The following GEMIN2 variants were observed in gnomAD, a reference collection of about 807,000 sequenced individuals.
GEMIN2 encodes the protein gem nuclear organelle associated protein 2, also known as gem-associated protein 2.
Under a neutral mutation model 45.8 loss-of-function variants are expected in GEMIN2, and 37 were observed. That is an observed-to-expected ratio of 0.81 (90% confidence interval 0.62 to 1.06). The LOEUF is 1.06. Among genes scored for constraint, GEMIN2 ranks in the 50% least tolerant of loss-of-function variants. The pLI is 0.00. For missense variants in GEMIN2, 335 were observed against 321.8 expected (o/e 1.04, Z -0.31); for synonymous variants, 101 against 111.5 (o/e 0.91, Z 0.60).
chr14:39,114,533 C>T (rs2052476897), intron 1 of GEMIN2, 58 bp downstream of exon 1: 1 of 1,264,414 alleles, frequency 7.9e-7, no homozygotes, highest in South Asian at 1.3e-5. Flanking sequence ...CTGGGTACAG[C>T]CCTCGGTGCT....
intron 2 of GEMIN2, 116 bp downstream of exon 2, chr14:39,115,029 A>G: frequency 1.5e-6 from 1 of 647,194 alleles, no homozygotes; most frequent in Non-Finnish European, 2.8e-6. Context: ...ACTCCGTGCA[A>G]AGTTAGACAT....
chr14:39,118,780 A>ATTTT (rs373341724), intron 4 of GEMIN2, among the ~76,000 whole-genome samples, 181 bp downstream of exon 4: 1 of 138,732 alleles, frequency 7.2e-6, no homozygotes, highest in Non-Finnish European at 1.6e-5. Flanking sequence ...TTCATGACAA[A>ATTTT]TTTTTTTTTT....
intron 5 of GEMIN2, among the ~76,000 whole-genome samples, chr14:39,123,376 G>GA (rs1167330512): frequency 1.3e-5 from 2 of 151,784 alleles, no homozygotes; most frequent in Non-Finnish European, 2.9e-5. Context: ...CCCTGCCCAA[G>GA]AAAAAATAGC....
rs550635715 is a variant in GEMIN2, at chr14:39,114,384, C to G, written c.46C>G (p.Arg16Gly). 2 of 1,613,720 alleles carry G rather than the reference C, an allele frequency of 1.2e-6. No homozygotes were observed. Among genetic ancestry groups the G allele is most frequent in the African/African-American group, 1.3e-5 (1 of 75,060 alleles). The change falls in exon 1 of 10, where the codon CGG becomes GGG. Residue 16 changes from arginine to glycine, a missense_variant. Transcript: ENST00000308317. ...AESAVEELMP[R>G]LLPVEPCDLT... Reference sequence around the variant, plus strand: ...GTCCGCAGTGGAAGAGTTGATGCCTCGGCTATTGCCGGTAGAGCCTTGCGA... The same window carrying G: ...GTCCGCAGTGGAAGAGTTGATGCCTGGGCTATTGCCGGTAGAGCCTTGCGA...
intron 2 of GEMIN2, among the ~76,000 whole-genome samples, 182 bp from the exon 3 acceptor site, chr14:39,117,817 A>G (rs1057502594): frequency 1.3e-5 from 2 of 152,202 alleles, no homozygotes; most frequent in African/African-American, 4.8e-5. Flanking sequence ...AATATTTTTA[A>G]CTGAGATATA....
chr14:39,122,810 C>A, intron 5 of GEMIN2: 1 of 277,714 alleles, frequency 3.6e-6, no homozygotes, highest in Non-Finnish European at 6.6e-6. Context: ...AGTTTATTAG[C>A]TCTTCAACCT....
chr14:39,129,455 C>T (rs1594518359), intron 7 of GEMIN2, among the ~76,000 whole-genome samples: 2 of 152,096 alleles, frequency 1.3e-5, no homozygotes, highest in Admixed American at 1.3e-4. Flanking sequence ...CCTCTGTTGC[C>T]CAGGCTGGAG....
chr14:39,124,506 C>T (rs1322834985), intron 5 of GEMIN2, among the ~76,000 whole-genome samples: 1 of 152,116 alleles, frequency 6.6e-6, no homozygotes, highest in Non-Finnish European at 1.5e-5. Context: ...TGAGGTGGCT[C>T]ATGCCTGTAA....
At chr14:39,133,002 A>G (rs185930375) in intron 8 of GEMIN2, among the ~76,000 whole-genome samples, 2,055 of 114,668 alleles carry the variant, frequency 0.018, 49 homozygotes, top group African/African-American at 0.071. Flanking sequence ...GTGTGTGTGT[A>G]TATATATGTG....
intron 5 of GEMIN2, among the ~76,000 whole-genome samples, chr14:39,123,570 G>A (rs1162221376): frequency 6.6e-6 from 1 of 151,066 alleles, no homozygotes; most frequent in Non-Finnish European, 1.5e-5. Flanking sequence ...ACTCTTAGAC[G>A]TGGTACAGGA....
intron 2 of GEMIN2, among the ~76,000 whole-genome samples, chr14:39,117,614 T>C (rs1042467327): frequency 6.6e-6 from 1 of 152,200 alleles, no homozygotes; most frequent in Non-Finnish European, 1.5e-5. Flanking sequence ...TAGAACTCAT[T>C]CCTTCTAACT....
chr14:39,114,678 A>G, intron 1 of GEMIN2, 151 bp from the exon 2 acceptor site: 1 of 649,052 alleles, frequency 1.5e-6, no homozygotes, highest in East Asian at 2.7e-5. Flanking sequence ...CAATCCAGAT[A>G]ATTTCAGAAA....
intron 7 of GEMIN2, among the ~76,000 whole-genome samples, chr14:39,131,095 C>T (rs1248703852): frequency 6.6e-6 from 1 of 151,946 alleles, no homozygotes; most frequent in Non-Finnish European, 1.5e-5. Flanking sequence ...GTCAGGAGTT[C>T]GAGACCAGCC....
At position 39,136,695 on chromosome 14, in the gene GEMIN2, G is replaced by T. The variant is rs1488492516; in HGVS notation, c.*216G>T. 1 of 457,320 alleles carries T rather than the reference G, an allele frequency of 2.2e-6. No homozygotes were observed. The highest frequency in any genetic ancestry group is 2.0e-5 in the African/African-American group (1 of 49,792). The allele number at this position is 457,320 out of a possible 1,614,324, so 28.3% of individuals were successfully genotyped here. A position where few individuals can be genotyped will look rare whatever the true frequency, so the allele number is the denominator to read the frequency against. On this transcript the variant is annotated 3_prime_UTR_variant, in exon 10 of 10. Coordinates refer to ENST00000308317, the MANE Select transcript of GEMIN2 (RefSeq NM_003616.3). ...AATCCCACTCAGTTTTTGATGAACA[G>T]TTTGAACAGTTTTCTGTAATCAAGC...
intron 2 of GEMIN2, 50 bp downstream of exon 2, chr14:39,114,963 G>A (rs1187871962): frequency 1.2e-6 from 1 of 842,410 alleles, no homozygotes; most frequent in Non-Finnish European, 2.1e-6. Flanking sequence ...CCAATTAAAA[G>A]ACTAACGCTC....
chr14:39,122,291 C>T (rs922459563), intron 4 of GEMIN2, 139 bp from the exon 5 acceptor site: 2 of 598,290 alleles, frequency 3.3e-6, no homozygotes, highest in Admixed American at 3.1e-5. Flanking sequence ...AATTTGGGGG[C>T]AGAGATTCTC....
chr14:39,124,636 G>A (rs1272915621), intron 5 of GEMIN2, among the ~76,000 whole-genome samples: 1 of 151,956 alleles, frequency 6.6e-6, no homozygotes, highest in Non-Finnish European at 1.5e-5. Flanking sequence ...AGCTGGGCGT[G>A]TTGACATGCA....
At chr14:39,132,830 C>T (rs2052735498) in intron 8 of GEMIN2, among the ~76,000 whole-genome samples, 1 of 150,826 alleles carries the variant, frequency 6.6e-6, no homozygotes, top group Admixed American at 6.6e-5. Context: ...AGGTGCCCGC[C>T]ACCATGCCTG....
chr14:39,128,169 A>G, intron 6 of GEMIN2, 111 bp from the exon 7 acceptor site: 1 of 547,266 alleles, frequency 1.8e-6, no homozygotes. Flanking sequence ...TTAAAGAATG[A>G]GGCCATTTTT....
Sources: gnomAD v4.1 joint callset for allele counts (sites outside exome capture counted in the v4.1 genomes callset) on GRCh38, gnomAD v4.1.1 for gene constraint, MANE v1.5 for transcripts, NCBI Gene and HGNC (gene_info 2026-07-23, HGNC 2026-07-21) for gene names.